Variants in RUNX2 observed in about 807,000 individuals in gnomAD.
The protein encoded by RUNX2 is RUNX family transcription factor 2.
Under a neutral mutation model 51.7 loss-of-function variants are expected in RUNX2, and 10 were observed. The observed-to-expected ratio is 0.19, with a 90% confidence interval of 0.12 to 0.33. The LOEUF (loss-of-function observed/expected upper bound fraction) is 0.33. Among genes scored for constraint, RUNX2 ranks in the 10% least tolerant of loss-of-function variants. RUNX2 has a pLI of 1.00. For missense variants in RUNX2, 562 were observed against 691.3 expected, an observed-to-expected ratio of 0.81 and a Z score of 2.10; for synonymous variants, 276 against 273.6, an observed-to-expected ratio of 1.01 and a Z score of -0.09.
chr6:45,343,632 A>G (rs185037095), intron 2 of RUNX2, among the ~76,000 whole-genome samples: 14 of 152,356 alleles, frequency 9.2e-5, no homozygotes, highest in Admixed American at 2.6e-4. Context: ...ATTAAGTTGC[A>G]TAACAGTACG....
intron 7 of RUNX2, among the ~76,000 whole-genome samples, chr6:45,526,264 C>A (rs1339452185): frequency 1.3e-5 from 2 of 152,148 alleles, no homozygotes; most frequent in African/African-American, 4.8e-5. Flanking sequence ...AATCCATAGA[C>A]AATTTTTGAA....
At chr6:45,367,569 C>T (rs1356805650) in intron 2 of RUNX2, among the ~76,000 whole-genome samples, 2 of 152,070 alleles carry the variant, frequency 1.3e-5, no homozygotes, top group African/African-American at 4.8e-5. Context: ...CTGGATTTCT[C>T]AAAGACCTCA....
intron 4 of RUNX2, among the ~76,000 whole-genome samples, chr6:45,437,701 T>A (rs942741069): frequency 6.6e-6 from 1 of 152,162 alleles, no homozygotes; most frequent in African/African-American, 2.4e-5. Flanking sequence ...AGGAGCTTTT[T>A]TGGAATTGGA....
In RUNX2 at chr6:45,436,561, G is replaced by GT. The variant is rs1403196771; in HGVS notation, c.581-1379dup. Among the ~76,000 whole-genome samples the GT allele has an allele frequency of 7.2e-5, 11 of 151,974 alleles. 1 individual carries two copies. The East Asian group carries it at 1.4e-3, about 19-fold the overall frequency. On this transcript the variant is annotated intron_variant, in intron 4 of 8. Coordinates refer to ENST00000647337, the MANE Select transcript of RUNX2 (RefSeq NM_001024630.4). ...ACCCCATTCCTGTCTTTTCTTTCCT[G>GT]TTTTTTTCCCCTTGGCTATAGAAAA... is the stretch of plus-strand genomic sequence containing the variant.
intron 5 of RUNX2, among the ~76,000 whole-genome samples, chr6:45,488,533 A>T (rs989951056): frequency 1.3e-5 from 2 of 152,170 alleles, no homozygotes; most frequent in Non-Finnish European, 2.9e-5. Context: ...CACCTTGGGC[A>T]GTGGTTCTCA....
intron 5 of RUNX2, among the ~76,000 whole-genome samples, chr6:45,462,711 A>C (rs529500910): frequency 6.6e-6 from 1 of 152,348 alleles, no homozygotes; most frequent in African/African-American, 2.4e-5. Context: ...GGTTAAGATT[A>C]ATTTCTAGCA....
Position 45,445,086 on chromosome 6 carries a change from G to A in RUNX2, c.685+7035G>A, listed in dbSNP as rs149388310. Among the ~76,000 whole-genome samples the A allele has an allele frequency of 4.9e-3, 748 of 152,088 alleles. 7 individuals carry two copies. Among genetic ancestry groups the A allele is most frequent in the African/African-American group, 0.017 (707 of 41,466 alleles). Reference sequence around the variant, plus strand: ...GTCTCCCAGGCTGGAGTGCAGTGGCGGGATCTCGGCTCACTGCAACCTCCA... The same window carrying A: ...GTCTCCCAGGCTGGAGTGCAGTGGCAGGATCTCGGCTCACTGCAACCTCCA... On this transcript the variant is annotated intron_variant, in intron 5 of 8. Coordinates refer to ENST00000647337, the MANE Select transcript of RUNX2 (RefSeq NM_001024630.4).
At chr6:45,503,252 G>A (rs894173620) in intron 6 of RUNX2, among the ~76,000 whole-genome samples, 1 of 152,106 alleles carries the variant, frequency 6.6e-6, no homozygotes, top group Non-Finnish European at 1.5e-5. Flanking sequence ...CCAGGGATTA[G>A]GTCATAAAAC....
intron 2 of RUNX2, among the ~76,000 whole-genome samples, chr6:45,338,283 C>A (rs1042661707): frequency 1.3e-5 from 2 of 151,944 alleles, no homozygotes; most frequent in Admixed American, 1.3e-4. Context: ...TATACTTTCA[C>A]TGCAGATTGT....
intron 5 of RUNX2, among the ~76,000 whole-genome samples, chr6:45,476,874 G>T (rs1170086684): frequency 6.6e-6 from 1 of 152,110 alleles, no homozygotes; most frequent in Non-Finnish European, 1.5e-5. Context: ...TCTTATGCAA[G>T]GATGTACAGG....
intron 7 of RUNX2, among the ~76,000 whole-genome samples, chr6:45,512,663 G>A (rs1057376391): frequency 1.4e-4 from 22 of 152,136 alleles, no homozygotes; most frequent in Non-Finnish European, 3.1e-4. Context: ...TTAGTGTCCT[G>A]CTGAATTGTA....
In RUNX2 at chr6:45,527,970, C is replaced by T. The variant is rs187596198; in HGVS notation, c.1021+15563C>T. Among the ~76,000 whole-genome samples the T allele has an allele frequency of 1.5e-3, 221 of 152,262 alleles. 1 individual carries two copies. Among genetic ancestry groups the T allele is most frequent in the Admixed American group, 3.6e-3 (55 of 15,288 alleles). On this transcript the variant is annotated intron_variant, in intron 7 of 8. Coordinates refer to ENST00000647337, the MANE Select transcript of RUNX2 (RefSeq NM_001024630.4). ...TAAAGAAAGATGGGTTTAATGGACT[C>T]ACAGTTCCACATGGTTGGGGAAGCC...
chr6:45,353,354 A>G (rs1294202841), intron 2 of RUNX2, among the ~76,000 whole-genome samples: 1 of 152,100 alleles, frequency 6.6e-6, no homozygotes, highest in Non-Finnish European at 1.5e-5. Flanking sequence ...TTAAAAAGAA[A>G]AGTTATGCGG....
At chr6:45,436,537 C>G (rs1298818460) in intron 4 of RUNX2, among the ~76,000 whole-genome samples, 2 of 152,170 alleles carry the variant, frequency 1.3e-5, no homozygotes, top group Non-Finnish European at 2.9e-5. Context: ...ACTGCACCCA[C>G]CCCATTCCTG....
Position 45,401,112 on chromosome 6 carries a change from T to C in RUNX2, c.59-21481T>C, listed in dbSNP as rs1372262823. On this transcript the variant is annotated intron_variant, in intron 2 of 8. Transcript: ENST00000647337. ...ACAAAACAAAAAAATTTCTTCAGCA[T>C]TTCTGTCAAGTCGTTCAGCCATCCA... Among the ~76,000 whole-genome samples, 30 of 152,232 alleles carry C rather than the reference T, an allele frequency of 2.0e-4. 1 individual carries two copies. The highest frequency in any genetic ancestry group is 1.9e-3 in the Admixed American group (29 of 15,286).
intron 7 of RUNX2, among the ~76,000 whole-genome samples, chr6:45,528,602 C>T (rs933965637): frequency 2.0e-5 from 3 of 151,206 alleles, no homozygotes; most frequent in Non-Finnish European, 4.4e-5. Flanking sequence ...GCCTGGGTGA[C>T]AGAGGGAGAC....
At chr6:45,461,760 T>TG (rs1161514971) in intron 5 of RUNX2, among the ~76,000 whole-genome samples, 5 of 152,276 alleles carry the variant, frequency 3.3e-5, no homozygotes, top group African/African-American at 1.2e-4. Context: ...CTATTTTTTT[T>TG]TTTTGTTTTT....
chr6:45,383,293 C>G (rs1797280248), intron 2 of RUNX2, among the ~76,000 whole-genome samples: 1 of 151,984 alleles, frequency 6.6e-6, no homozygotes. Flanking sequence ...AAAAATTAGC[C>G]AGGTGGGGTG....
chr6:45,539,879 T>A (rs1402854881), intron 7 of RUNX2, among the ~76,000 whole-genome samples: 1 of 152,242 alleles, frequency 6.6e-6, no homozygotes. Flanking sequence ...CTAAAACCAA[T>A]GATAATACTT....
Sources: allele counts gnomAD v4.1 joint callset (sites outside exome capture counted in the v4.1 genomes callset), GRCh38; gene constraint gnomAD v4.1.1; transcripts MANE v1.5; gene names NCBI Gene and HGNC (gene_info 2026-07-23, HGNC 2026-07-21).